INPP4B: variants seen among roughly 807,000 people sequenced by gnomAD.
INPP4B encodes inositol polyphosphate-4-phosphatase type II B.
INPP4B carries 55 observed loss-of-function variants against 122.5 expected under a neutral mutation model. The ratio of observed to expected loss-of-function variants is 0.45; its 90% CI spans 0.36 to 0.56. The LOEUF is 0.56. Among genes scored for constraint, INPP4B ranks in the 20% least tolerant of loss-of-function variants. INPP4B has a pLI of 0.00. For synonymous variants in INPP4B, 403 were observed against 388.7 expected (o/e 1.04, Z -0.43); for missense variants, 1,000 against 1,097.7 (o/e 0.91, Z 1.26).
chr4:142,672,078 T>C (rs905016574), intron 2 of INPP4B, among the ~76,000 whole-genome samples: 1 of 152,204 alleles, frequency 6.6e-6, no homozygotes, highest in African/African-American at 2.4e-5. Context: ...TTAATTCCTT[T>C]TTATGCTAAG....
chr4:142,363,480 T>C (rs2148582806), intron 7 of INPP4B, among the ~76,000 whole-genome samples: 1 of 152,102 alleles, frequency 6.6e-6, no homozygotes, highest in Middle Eastern at 3.4e-3. Context: ...TGTTAGGCCT[T>C]AAAGACTTCT....
intron 11 of INPP4B, among the ~76,000 whole-genome samples, chr4:142,242,671 C>G (rs1489140699): frequency 6.6e-6 from 1 of 152,184 alleles, no homozygotes; most frequent in Admixed American, 6.5e-5. Flanking sequence ...AGGAACCCCC[C>G]ACTTTCCTAA....
chr4:142,365,421 G>A (rs1474697937), intron 7 of INPP4B, among the ~76,000 whole-genome samples: 1 of 152,086 alleles, frequency 6.6e-6, no homozygotes, highest in Admixed American at 6.6e-5. Flanking sequence ...ATGATTTACT[G>A]AAATAAAAAC....
chr4:142,806,763 AGAAGAAAGAAAGAAAGAAAGAAGG>A (rs1441458420), intron 1 of INPP4B, among the ~76,000 whole-genome samples: 2,770 of 125,944 alleles, frequency 0.022, 89 homozygotes, highest in Non-Finnish European at 0.026. Context: ...AGAAGAAGAA[AGAAGAAAGAAAGAAAGAAAGAAGG>A]AAAGAAAGAA....
At chr4:142,145,468 T>C (rs17646885) in intron 18 of INPP4B, among the ~76,000 whole-genome samples, 13,274 of 152,216 alleles carry the variant, frequency 0.087, 739 homozygotes, top group Middle Eastern at 0.17. Context: ...TGTGAGATAC[T>C]GTGTCCTTGA....
At chr4:142,107,309 C>T (rs1341802542) in intron 23 of INPP4B, among the ~76,000 whole-genome samples, 1 of 152,106 alleles carries the variant, frequency 6.6e-6, no homozygotes, top group Non-Finnish European at 1.5e-5. Flanking sequence ...TTCATGATTA[C>T]AGAACAAATA....
intron 1 of INPP4B, among the ~76,000 whole-genome samples, chr4:142,752,536 C>T: frequency 6.6e-6 from 1 of 152,184 alleles, no homozygotes; most frequent in East Asian, 1.9e-4. Flanking sequence ...AAGAGGGAAG[C>T]TTTGTCCTTT....
At chr4:142,671,195 T>A (rs891140260) in intron 2 of INPP4B, among the ~76,000 whole-genome samples, 5 of 152,052 alleles carry the variant, frequency 3.3e-5, no homozygotes, top group African/African-American at 1.2e-4. Flanking sequence ...ATAACCACCT[T>A]TTCTCTTGAA....
At chr4:142,071,495 TTAAAC>T (rs1472104949) in intron 25 of INPP4B, among the ~76,000 whole-genome samples, 1 of 152,132 alleles carries the variant, frequency 6.6e-6, no homozygotes, top group Non-Finnish European at 1.5e-5. Context: ...TGGGATCTAA[TTAAAC>T]TAAAGAGCTT....
chr4:142,386,745 G>A (rs1796093820), intron 7 of INPP4B, among the ~76,000 whole-genome samples: 1 of 152,102 alleles, frequency 6.6e-6, no homozygotes, highest in African/African-American at 2.4e-5. Flanking sequence ...TAAATCTACT[G>A]TGATTCTGGG....
intron 7 of INPP4B, among the ~76,000 whole-genome samples, chr4:142,317,022 T>G (rs548218557): frequency 6.6e-6 from 1 of 152,326 alleles, no homozygotes; most frequent in African/African-American, 2.4e-5. Flanking sequence ...AATATGGGCA[T>G]TTTCCTGTGG....
chr4:142,446,060 G>A (rs184567173), intron 3 of INPP4B, among the ~76,000 whole-genome samples: 319 of 152,010 alleles, frequency 2.1e-3, no homozygotes, highest in Non-Finnish European at 3.4e-3. Flanking sequence ...TGTCAGAAAA[G>A]AAGGTCTCAA....
chr4:142,398,431 T>A (rs1362371440), intron 7 of INPP4B, among the ~76,000 whole-genome samples: 6 of 63,036 alleles, frequency 9.5e-5, no homozygotes, highest in East Asian at 6.0e-4. Context: ...TATATATATA[T>A]ATATATATAT....
At position 142,824,314 on chromosome 4, in the gene INPP4B, A is replaced by ATC. The variant is rs1554016382; in HGVS notation, c.-254+21893_-254+21894dup. Among the ~76,000 whole-genome samples, 1,116 of 150,722 alleles carry ATC rather than the reference A, an allele frequency of 7.4e-3. 9 individuals are homozygous for ATC. Among genetic ancestry groups the ATC allele is most frequent in the African/African-American group, 0.021 (855 of 40,384 alleles). On this transcript the variant is annotated intron_variant, in intron 1 of 25. Transcript: ENST00000262992. ...CTATCTATTATCTATCTGTCTATCT[A>ATC]TCTATCTCTATCTCTATCTCTATCT...
intron 11 of INPP4B, 42 bp downstream of exon 11, chr4:142,260,450 C>T: frequency 8.3e-7 from 1 of 1,204,096 alleles, no homozygotes; most frequent in Non-Finnish European, 1.2e-6. Context: ...AATTAAAATT[C>T]ATTTTTGCAT....
At chr4:142,454,334 T>C (rs1367606031) in intron 3 of INPP4B, among the ~76,000 whole-genome samples, 1 of 152,108 alleles carries the variant, frequency 6.6e-6, no homozygotes, top group East Asian at 1.9e-4. Flanking sequence ...TGTAATTAGT[T>C]AGCATAACCA....
intron 2 of INPP4B, among the ~76,000 whole-genome samples, chr4:142,590,754 C>A (rs1185501844): frequency 2.7e-5 from 4 of 150,922 alleles, no homozygotes; most frequent in African/African-American, 9.7e-5. Flanking sequence ...ACTCTAAAAA[C>A]ATACATTTCC....
chr4:142,545,524 G>T (rs1320936781), intron 2 of INPP4B, among the ~76,000 whole-genome samples: 2 of 151,890 alleles, frequency 1.3e-5, no homozygotes, highest in African/African-American at 4.8e-5. Flanking sequence ...CCATCATAGA[G>T]CTCTTTTTTA....
At position 142,272,938 on chromosome 4, in the gene INPP4B, G is replaced by A. The variant is rs187926910; in HGVS notation, c.504-2164C>T. 1.5e-3 allele frequency among the ~76,000 whole-genome samples: 234 copies of A among 152,014 alleles called. 1 individual carries two copies. The highest frequency in any genetic ancestry group is 4.6e-3 in the African/African-American group (189 of 41,522). On this transcript the variant is annotated intron_variant, in intron 9 of 25. Coordinates refer to ENST00000262992, the MANE Select transcript of INPP4B (RefSeq NM_001101669.3). Reference sequence around the variant, plus strand: ...TAATTGCTAGAAGCACAAGGCCTACGTATGATATTCTAAATTTTTTCACTG... The same window carrying A: ...TAATTGCTAGAAGCACAAGGCCTACATATGATATTCTAAATTTTTTCACTG...
Sources: allele counts gnomAD v4.1 joint callset (sites outside exome capture counted in the v4.1 genomes callset), GRCh38; gene constraint gnomAD v4.1.1; transcripts MANE v1.5; gene names NCBI Gene and HGNC (gene_info 2026-07-23, HGNC 2026-07-21).